The following CACNA1E variants were observed in gnomAD, a reference collection of about 807,000 sequenced individuals.
CACNA1E encodes voltage-dependent R-type calcium channel subunit alpha-1E.
CACNA1E carries 40 observed loss-of-function variants against 259.2 expected under a neutral mutation model. The ratio of observed to expected loss-of-function variants is 0.15; its 90% CI spans 0.12 to 0.20. CACNA1E has a LOEUF of 0.20. Ranked by LOEUF, CACNA1E falls within the 10% of genes least tolerant of loss-of-function variation. CACNA1E has a pLI of 1.00. For synonymous variants in CACNA1E, 1,104 were observed against 1,138.5 expected, an observed-to-expected ratio of 0.97 and a Z score of 0.61; for missense variants, 1,874 against 3,040.1, an observed-to-expected ratio of 0.62 and a Z score of 9.02.
rs1661668598 is a variant in CACNA1E, at chr1:181,795,019, A to G, written c.6183A>G (p.Ser2061=). 6.2e-7 allele frequency: 1 copy of G among 1,613,872 alleles called. No individual in the cohort carries two copies. Among genetic ancestry groups the G allele is most frequent in the African/African-American group, 1.3e-5 (1 of 74,948 alleles). ...RRSYHSSLRL[S]AHRLNSDSGH... ...GTTACCACTCCTCCTTGCGGCTGTC[A>G]GCCCACCGCCTGAACTCTGATTCAG... is the stretch of plus-strand genomic sequence containing the variant. Residue 2061 remains serine, a synonymous_variant, in exon 46 of 48, where the codon TCA becomes TCG. Coordinates refer to ENST00000367573, the MANE Select transcript of CACNA1E (RefSeq NM_001205293.3).
chr1:181,396,026 G>C (rs937510956), intron 1 of CACNA1E, among the ~76,000 whole-genome samples: 1 of 152,228 alleles, frequency 6.6e-6, no homozygotes. Context: ...TTGAAATTAA[G>C]TTGTTAGCTG....
At chr1:181,648,687 T>A (rs1387874907) in intron 6 of CACNA1E, among the ~76,000 whole-genome samples, 1 of 152,264 alleles carries the variant, frequency 6.6e-6, no homozygotes, top group Non-Finnish European at 1.5e-5. Flanking sequence ...GACATCCTCA[T>A]TACAGCATCC....
chr1:181,433,039 C>G (rs1659823016), intron 2 of CACNA1E, among the ~76,000 whole-genome samples: 1 of 152,208 alleles, frequency 6.6e-6, no homozygotes, highest in Admixed American at 6.5e-5. Context: ...TCAGTTTGGA[C>G]TGGCACAGTG....
At chr1:181,543,954 C>T (rs139330670) in intron 3 of CACNA1E, among the ~76,000 whole-genome samples, 21 of 152,286 alleles carry the variant, frequency 1.4e-4, no homozygotes, top group Admixed American at 6.5e-4. Context: ...CCATATGACC[C>T]AGCTATTTCA....
At chr1:181,543,782 G>A (rs112236886) in intron 3 of CACNA1E, among the ~76,000 whole-genome samples, 11,920 of 152,186 alleles carry the variant, frequency 0.078, 1,580 homozygotes, top group African/African-American at 0.27. Flanking sequence ...TAAAAACCAC[G>A]ATAAGATACC....
intron 1 of CACNA1E, among the ~76,000 whole-genome samples, chr1:181,320,734 G>T (rs997463360): frequency 6.6e-6 from 1 of 152,136 alleles, no homozygotes; most frequent in Non-Finnish European, 1.5e-5. Flanking sequence ...AGCCGGGGGG[G>T]TGATGGCTGG....
chr1:181,476,350 G>A (rs2102431461), intron 2 of CACNA1E, among the ~76,000 whole-genome samples: 1 of 152,250 alleles, frequency 6.6e-6, no homozygotes, highest in East Asian at 1.9e-4. Context: ...GAGAGAGGGT[G>A]TGGTGATGGA....
chr1:181,523,369 G>C (rs1667127835), intron 3 of CACNA1E, among the ~76,000 whole-genome samples: 1 of 152,200 alleles, frequency 6.6e-6, no homozygotes, highest in Non-Finnish European at 1.5e-5. Flanking sequence ...GTAGTGTGTG[G>C]ATGCTGTTGT....
intron 3 of CACNA1E, among the ~76,000 whole-genome samples, chr1:181,554,233 G>A (rs905471682): frequency 2.0e-5 from 3 of 152,060 alleles, no homozygotes; most frequent in East Asian, 1.9e-4. Context: ...GGCTGGTCTC[G>A]AACTCCTGAG....
upstream of CACNA1E, among the ~76,000 whole-genome samples, chr1:181,481,400 CAT>C (rs557969917): frequency 1.8e-3 from 270 of 152,144 alleles, 2 homozygotes; most frequent in African/African-American, 4.6e-3. Context: ...ACAACAGACA[CAT>C]GTCAGTGCTC....
chr1:181,398,729 C>G (rs1656874070), intron 1 of CACNA1E, among the ~76,000 whole-genome samples: 1 of 152,188 alleles, frequency 6.6e-6, no homozygotes, highest in Non-Finnish European at 1.5e-5. Context: ...TTCACTATGA[C>G]CACTTTCCAT....
At chr1:181,783,124 G>A (rs1660565647) in intron 39 of CACNA1E, among the ~76,000 whole-genome samples, 1 of 152,138 alleles carries the variant, frequency 6.6e-6, no homozygotes, top group South Asian at 2.1e-4. Flanking sequence ...TTGGACTTAT[G>A]CATGTTCAAT....
chr1:181,519,845 G>T (rs1666862663), intron 3 of CACNA1E, among the ~76,000 whole-genome samples: 1 of 152,196 alleles, frequency 6.6e-6, no homozygotes. Flanking sequence ...TGGAAACAGA[G>T]TTTAATCTCA....
At chr1:181,322,012 G>A (rs570187111) in intron 1 of CACNA1E, among the ~76,000 whole-genome samples, 9 of 152,146 alleles carry the variant, frequency 5.9e-5, no homozygotes, top group East Asian at 1.9e-4. Flanking sequence ...GAGGGTAGGC[G>A]GGGCAGATGG....
intron 1 of CACNA1E, among the ~76,000 whole-genome samples, chr1:181,392,801 A>G (rs1656392111): frequency 6.6e-6 from 1 of 152,192 alleles, no homozygotes. Context: ...ATTAACAGGA[A>G]GCTGGAAAAA....
chr1:181,676,184 A>G (rs891788570), intron 7 of CACNA1E, among the ~76,000 whole-genome samples: 1 of 152,354 alleles, frequency 6.6e-6, no homozygotes, highest in African/African-American at 2.4e-5. Flanking sequence ...GCAGAATGTG[A>G]AAGCCAAGAA....
intron 3 of CACNA1E, among the ~76,000 whole-genome samples, chr1:181,520,978 G>A (rs1263386611): frequency 1.3e-5 from 2 of 152,206 alleles, no homozygotes; most frequent in Admixed American, 1.3e-4. Flanking sequence ...CAGGAAGAAT[G>A]TCCAGGCAGA....
chr1:181,515,963 TC>T (rs945466125), intron 3 of CACNA1E, among the ~76,000 whole-genome samples: 10 of 152,172 alleles, frequency 6.6e-5, no homozygotes, highest in Non-Finnish European at 1.0e-4. Flanking sequence ...GATTGTCTGT[TC>T]CCAGCCTTCC....
intron 1 of CACNA1E, among the ~76,000 whole-genome samples, chr1:181,322,205 T>A (rs563903042): frequency 1.8e-3 from 274 of 151,790 alleles, no homozygotes; most frequent in African/African-American, 6.2e-3. Flanking sequence ...TCCCAACAAG[T>A]GAGGGAGAAT....
Sources: gnomAD v4.1 joint callset for allele counts (sites outside exome capture counted in the v4.1 genomes callset) on GRCh38, gnomAD v4.1.1 for gene constraint, MANE v1.5 for transcripts, NCBI Gene and HGNC (gene_info 2026-07-23, HGNC 2026-07-21) for gene names.